Variants in OPRD1 observed in about 807,000 individuals in gnomAD.
The protein encoded by OPRD1 is opioid receptor delta 1, also known as delta-type opioid receptor.
OPRD1 carries 19 observed loss-of-function variants against 17.5 expected under a neutral mutation model. The observed-to-expected ratio is 1.09, with a 90% confidence interval of 0.76 to 1.60. The LOEUF (loss-of-function observed/expected upper bound fraction) is 1.60. Among genes scored for constraint, OPRD1 ranks in the 40% most tolerant of loss-of-function variants. The pLI, the probability that OPRD1 is intolerant of heterozygous loss-of-function variation, is 0.00. For synonymous variants in OPRD1, 256 were observed against 240.9 expected (o/e 1.06, Z -0.58); for missense variants, 483 against 547.2 (o/e 0.88, Z 1.17).
At position 28,869,771 on chromosome 1, in the gene OPRD1, C is replaced by A. The variant is rs1022963626; in HGVS notation, c.*6488C>A. On this transcript the variant is annotated 3_prime_UTR_variant, in exon 3 of 3. Transcript: ENST00000234961. ...TCAGGAGACTCTCACATCCAGCTCACAGTCACAGGCTGAGCATTCCCTGTG... is the reference window on the plus strand; with the variant it reads ...TCAGGAGACTCTCACATCCAGCTCAAAGTCACAGGCTGAGCATTCCCTGTG... 1 of 152,232 alleles carries A rather than the reference C, an allele frequency of 6.6e-6. No homozygotes were observed. Among genetic ancestry groups the A allele is most frequent in the African/African-American group, 2.4e-5 (1 of 41,452 alleles). The allele number at this position is 152,232 out of a possible 1,614,324, so 9.4% of individuals were successfully genotyped here.
intron 1 of OPRD1, 137 bp from the exon 2 acceptor site, chr1:28,858,817 A>C: frequency 1.2e-6 from 1 of 817,610 alleles, no homozygotes; most frequent in Non-Finnish European, 2.0e-6. Context: ...AAGTGCTGGG[A>C]TTACAGTTGT....
chr1:28,858,091 G>A (rs1199604123), intron 1 of OPRD1, among the ~76,000 whole-genome samples: 8 of 150,608 alleles, frequency 5.3e-5, no homozygotes, highest in Admixed American at 2.0e-4. Flanking sequence ...CACCACACCC[G>A]GCCTAGGATT....
chr1:28,831,050 C>G (rs1319310424), intron 1 of OPRD1, among the ~76,000 whole-genome samples: 1 of 152,242 alleles, frequency 6.6e-6, no homozygotes, highest in Admixed American at 6.5e-5. Flanking sequence ...TGGAGATAAT[C>G]TGTTTCCCTT....
intron 1 of OPRD1, among the ~76,000 whole-genome samples, chr1:28,823,383 G>GTTTATTTATTTA (rs143622810): frequency 0.2 from 28,459 of 138,870 alleles, 2,961 homozygotes; most frequent in Admixed American, 0.24. Flanking sequence ...AATTTTATTT[G>GTTTATTTATTTA]TTTGTTTATT....
chr1:28,844,438 A>G (rs533396007), intron 1 of OPRD1, among the ~76,000 whole-genome samples: 3 of 152,018 alleles, frequency 2.0e-5, no homozygotes, highest in East Asian at 3.9e-4. Flanking sequence ...CTACAAGCGC[A>G]TGTCACCATG....
intron 1 of OPRD1, among the ~76,000 whole-genome samples, chr1:28,850,904 G>A (rs2088997357): frequency 6.6e-6 from 1 of 151,808 alleles, no homozygotes; most frequent in Non-Finnish European, 1.5e-5. Flanking sequence ...GAGGATGTGA[G>A]GAAATTAGAG....
At chr1:28,817,484 GTCT>G (rs764991181) in intron 1 of OPRD1, among the ~76,000 whole-genome samples, 1 of 152,206 alleles carries the variant, frequency 6.6e-6, no homozygotes, top group Non-Finnish European at 1.5e-5. Context: ...ATGCTGAAGT[GTCT>G]TCTTAGCAGA....
chr1:28,859,153 A>C lies in OPRD1; in HGVS notation c.427A>C (p.Ser143Arg), dbSNP rs927147209. ...FTSIFTLTMM[S>R]VDRYIAVCHP... ...CAGCATCTTCACGCTCACCATGATG[A>C]GTGTTGACCGCTACATCGCTGTCTG... The change falls in exon 2 of 3, where the codon AGT becomes CGT. Residue 143 changes from serine to arginine, a missense_variant. Physicochemically the swap from Ser to Arg is moderately radical, Grantham distance 110. Coordinates refer to ENST00000234961, the MANE Select transcript of OPRD1 (RefSeq NM_000911.4). The C allele has an allele frequency of 3.1e-6, 5 of 1,614,074 alleles. No homozygotes were observed. The African/African-American group carries it at 5.3e-5, about 17-fold the overall frequency.
At chr1:28,853,736 A>C (rs901646366) in intron 1 of OPRD1, among the ~76,000 whole-genome samples, 1 of 149,928 alleles carries the variant, frequency 6.7e-6, no homozygotes, top group African/African-American at 2.5e-5. Context: ...CAGAAATAAA[A>C]TTTTCTTTTT....
intron 1 of OPRD1, among the ~76,000 whole-genome samples, chr1:28,814,528 C>A (rs779653999): frequency 6.6e-6 from 1 of 152,230 alleles, no homozygotes; most frequent in Non-Finnish European, 1.5e-5. Context: ...CTGGCACCTG[C>A]CCTGTCTAGG....
In OPRD1 at chr1:28,823,860, C is replaced by T. The variant is rs114614904; in HGVS notation, c.227+11250C>T. Among the ~76,000 whole-genome samples, 569 of 150,406 alleles carry T rather than the reference C, an allele frequency of 3.8e-3. 2 individuals carry two copies. Among genetic ancestry groups the T allele is most frequent in the African/African-American group, 0.013 (545 of 41,144 alleles). ...TCTTGATAAGTAGAAAGAACTCAAA[C>T]TTCAAGGTCCTGTGAGGTCAAAAAA... On this transcript the variant is annotated intron_variant, in intron 1 of 2. Coordinates refer to ENST00000234961, the MANE Select transcript of OPRD1 (RefSeq NM_000911.4).
At position 28,859,304 on chromosome 1, in the gene OPRD1, G is replaced by T. The variant is rs1016817226; in HGVS notation, c.577+1G>T. 4 of 1,606,420 alleles carry T rather than the reference G, an allele frequency of 2.5e-6. No individual in the cohort carries two copies. Among genetic ancestry groups the T allele is most frequent in the East Asian group, 2.2e-5 (1 of 44,778 alleles). ...GTCATGGCTGTGACCCGTCCCCGGG[G>T]TGAGTGAGTGAGTGCACCATGGCAC... On this transcript the variant is annotated splice_donor_variant, in intron 2 of 2. Transcript: ENST00000234961. LOFTEE classifies it high-confidence loss of function.
At position 28,854,941 on chromosome 1, in the gene OPRD1, C is replaced by T. The variant is rs375088708; in HGVS notation, c.228-4013C>T. 4.6e-5 allele frequency among the ~76,000 whole-genome samples: 7 copies of T among 152,244 alleles called. No homozygotes were observed. In the East Asian group the frequency reaches 5.8e-4, roughly 13 times the overall value. ...CTGGAATTACAGGCATGAGCCACTGCGCCTGGCTGAGAGCCTGCTTTTTTG... is the reference window on the plus strand; with the variant it reads ...CTGGAATTACAGGCATGAGCCACTGTGCCTGGCTGAGAGCCTGCTTTTTTG... On this transcript the variant is annotated intron_variant, in intron 1 of 2. Transcript: ENST00000234961.
At chr1:28,820,623 C>T (rs1402735375) in intron 1 of OPRD1, among the ~76,000 whole-genome samples, 3 of 151,904 alleles carry the variant, frequency 2.0e-5, no homozygotes, top group Non-Finnish European at 2.9e-5. Context: ...TCCAGGAGTT[C>T]GAGACCAGCC....
chr1:28,845,722 A>G (rs1222273466), intron 1 of OPRD1, among the ~76,000 whole-genome samples: 1 of 152,102 alleles, frequency 6.6e-6, no homozygotes. Context: ...TACATCTTTG[A>G]TCCATTTTGA....
At chr1:28,854,027 C>T (rs959923150) in intron 1 of OPRD1, among the ~76,000 whole-genome samples, 4 of 151,972 alleles carry the variant, frequency 2.6e-5, no homozygotes, top group Non-Finnish European at 5.9e-5. Context: ...AGGCATGAGC[C>T]ACCACATCTG....
At chr1:28,822,039 C>T (rs1036600783) in intron 1 of OPRD1, among the ~76,000 whole-genome samples, 11 of 151,822 alleles carry the variant, frequency 7.2e-5, no homozygotes, top group African/African-American at 2.7e-4. Context: ...ACAACCTCCG[C>T]CTCCTGGGTT....
chr1:28,824,179 C>CCAA (rs1169377469), intron 1 of OPRD1, among the ~76,000 whole-genome samples: 3,197 of 82,124 alleles, frequency 0.039, 91 homozygotes, highest in African/African-American at 0.11. Context: ...AACCTATCTC[C>CCAA]AAAAAAAAAA....
At chr1:28,832,140 C>G (rs1439340047) in intron 1 of OPRD1, among the ~76,000 whole-genome samples, 1 of 152,170 alleles carries the variant, frequency 6.6e-6, no homozygotes. Context: ...ACCTATGATA[C>G]CCTCTGATTT....
Sources: allele counts gnomAD v4.1 joint callset (sites outside exome capture counted in the v4.1 genomes callset), GRCh38; gene constraint gnomAD v4.1.1; transcripts MANE v1.5; gene names NCBI Gene and HGNC (gene_info 2026-07-23, HGNC 2026-07-21).